FAM227B: variants seen among roughly 807,000 people sequenced by gnomAD.
The protein encoded by FAM227B is protein FAM227B.
Under a neutral mutation model 73.8 loss-of-function variants are expected in FAM227B, and 88 were observed. The observed-to-expected ratio is 1.19, with a 90% CI of 1.00 to 1.42. The LOEUF is 1.42. Ranked by LOEUF, FAM227B falls within the 40% of genes most tolerant of loss-of-function variation. The pLI is 0.00. For synonymous variants in FAM227B, 210 were observed against 190.5 expected (o/e 1.10, Z -0.84); for missense variants, 632 against 590.9 (o/e 1.07, Z -0.72).
intron 11 of FAM227B, among the ~76,000 whole-genome samples, chr15:49,383,894 C>T (rs146989632): frequency 1.7e-3 from 257 of 152,160 alleles, no homozygotes; most frequent in African/African-American, 6.0e-3. Flanking sequence ...GTTTTCTCTA[C>T]CATTTGTCAT....
intron 11 of FAM227B, among the ~76,000 whole-genome samples, chr15:49,372,361 G>T (rs1042321781): frequency 6.6e-5 from 10 of 152,230 alleles, no homozygotes; most frequent in African/African-American, 2.4e-4. Flanking sequence ...ATAATTTACA[G>T]TTGAGAAGAC....
chr15:49,484,243 T>A, intron 11 of FAM227B: 2 of 1,169,482 alleles, frequency 1.7e-6, no homozygotes, highest in South Asian at 2.8e-5. Flanking sequence ...ACCTGCTTAC[T>A]CTTCGTTTAA....
rs2058880588 is a variant in FAM227B, at chr15:49,510,160, T to C, written c.875-1812A>G. Reference sequence around the variant, plus strand: ...ACTAGGGAAGATAAAGATTTAACGATCTTTCACCATCCTATCCCATTATCA... The same window carrying C: ...ACTAGGGAAGATAAAGATTTAACGACCTTTCACCATCCTATCCCATTATCA... On this transcript the variant is annotated intron_variant, in intron 10 of 15. Coordinates refer to ENST00000299338, the MANE Select transcript of FAM227B (RefSeq NM_152647.3). Among the ~76,000 whole-genome samples, 3 of 152,074 alleles carry C rather than the reference T, an allele frequency of 2.0e-5. No homozygotes were observed. In the South Asian group the frequency reaches 6.2e-4, roughly 32 times the overall value.
intron 10 of FAM227B, among the ~76,000 whole-genome samples, chr15:49,509,484 C>A (rs1229763410): frequency 6.6e-6 from 1 of 152,194 alleles, no homozygotes; most frequent in African/African-American, 2.4e-5. Context: ...GCGCAAAAGT[C>A]ATTTCAATCT....
At chr15:49,421,682 C>T (rs893860771) in intron 11 of FAM227B, among the ~76,000 whole-genome samples, 3 of 152,182 alleles carry the variant, frequency 2.0e-5, no homozygotes, top group African/African-American at 7.2e-5. Context: ...AATATCTTTA[C>T]ACTGTAAACT....
At chr15:49,361,754 A>G (rs2044281943) in intron 13 of FAM227B, among the ~76,000 whole-genome samples, 1 of 152,166 alleles carries the variant, frequency 6.6e-6, no homozygotes, top group South Asian at 2.1e-4. Flanking sequence ...TCCTTTGGGT[A>G]TATACTCAGT....
chr15:49,511,277 T>G (rs1296081737), intron 10 of FAM227B, among the ~76,000 whole-genome samples: 2 of 151,910 alleles, frequency 1.3e-5, no homozygotes, highest in East Asian at 3.9e-4. Context: ...TTATTCTTTT[T>G]TGAAAATACA....
At chr15:49,378,690 T>C (rs1032028627) in intron 11 of FAM227B, among the ~76,000 whole-genome samples, 5 of 152,288 alleles carry the variant, frequency 3.3e-5, no homozygotes, top group African/African-American at 7.2e-5. Context: ...TCAGTTCTAA[T>C]AGCTTTCTTG....
chr15:49,445,335 A>G (rs992783810), intron 11 of FAM227B, among the ~76,000 whole-genome samples: 3 of 151,584 alleles, frequency 2.0e-5, no homozygotes, highest in South Asian at 2.1e-4. Flanking sequence ...TGAGTATTCA[A>G]TGTTTAGCTC....
At chr15:49,562,800 C>G (rs56692783) in intron 9 of FAM227B, among the ~76,000 whole-genome samples, 40,352 of 151,886 alleles carry the variant, frequency 0.27, 5,621 homozygotes, top group East Asian at 0.38. Context: ...ATTCAACATC[C>G]CTTTATGATA....
At chr15:49,386,819 C>A (rs550156868) in intron 11 of FAM227B, among the ~76,000 whole-genome samples, 3 of 151,816 alleles carry the variant, frequency 2.0e-5, no homozygotes, top group Admixed American at 2.0e-4. Flanking sequence ...GGAGACATTA[C>A]AACCAACACC....
chr15:49,501,112 G>A lies in FAM227B; in HGVS notation c.1012+7099C>T, dbSNP rs1478749677. On this transcript the variant is annotated intron_variant, in intron 11 of 15. Transcript: ENST00000299338. ...TATTCTTTTATAGCAACACAAGCAT[G>A]AACTAATACAGAAAGTTGGTACCAG... 2.0e-5 allele frequency among the ~76,000 whole-genome samples: 3 copies of A among 152,128 alleles called. No individual in the cohort carries two copies. The South Asian group carries it at 6.2e-4, about 32-fold the overall frequency.
chr15:49,561,094 T>C (rs1244283918), intron 9 of FAM227B, among the ~76,000 whole-genome samples: 1 of 152,160 alleles, frequency 6.6e-6, no homozygotes, highest in Non-Finnish European at 1.5e-5. Flanking sequence ...CAAGTTGACT[T>C]GAAAGACAAG....
At chr15:49,520,321 G>A (rs536633595) in intron 10 of FAM227B, among the ~76,000 whole-genome samples, 1 of 152,178 alleles carries the variant, frequency 6.6e-6, no homozygotes, top group South Asian at 2.1e-4. Context: ...CAAGTCTCCA[G>A]GAAGTTCCAA....
chr15:49,478,090 C>A (rs2055529590), intron 11 of FAM227B, among the ~76,000 whole-genome samples: 1 of 152,114 alleles, frequency 6.6e-6, no homozygotes, highest in African/African-American at 2.4e-5. Context: ...CGCCAGTAGT[C>A]CCCAGTGTCA....
At chr15:49,448,463 T>C (rs1410112827) in intron 11 of FAM227B, among the ~76,000 whole-genome samples, 1 of 151,800 alleles carries the variant, frequency 6.6e-6, no homozygotes, top group Non-Finnish European at 1.5e-5. Context: ...TTCCTTGTGC[T>C]TAAATTTAAA....
chr15:49,406,994 AC>A (rs2048559499), intron 11 of FAM227B, among the ~76,000 whole-genome samples: 1 of 152,108 alleles, frequency 6.6e-6, no homozygotes, highest in African/African-American at 2.4e-5. Flanking sequence ...AAGCCAGCAG[AC>A]CAAGAAGTGC....
intron 10 of FAM227B, among the ~76,000 whole-genome samples, chr15:49,524,738 T>G (rs978387041): frequency 6.6e-6 from 1 of 152,212 alleles, no homozygotes. Flanking sequence ...GGTATGGAAC[T>G]GCCCAAGCCT....
chr15:49,461,747 T>C (rs1160140781), intron 11 of FAM227B, among the ~76,000 whole-genome samples: 1 of 152,264 alleles, frequency 6.6e-6, no homozygotes, highest in East Asian at 1.9e-4. Flanking sequence ...CTTAAAGAGA[T>C]ACCATGTGAA....
Sources: gnomAD v4.1 joint callset for allele counts (sites outside exome capture counted in the v4.1 genomes callset) on GRCh38, gnomAD v4.1.1 for gene constraint, MANE v1.5 for transcripts, NCBI Gene and HGNC (gene_info 2026-07-23, HGNC 2026-07-21) for gene names.